ARL15: variants seen among roughly 807,000 people sequenced by gnomAD.
ARL15 encodes the protein ARF like GTPase 15.
A neutral mutation model predicts 25.2 loss-of-function variants in ARL15; 19 were observed. That is an observed-to-expected ratio of 0.75 (90% CI 0.53 to 1.10). ARL15 has a LOEUF of 1.10. ARL15 is among the 50% of genes least tolerant of loss of function. ARL15 has a pLI of 0.00. For synonymous variants in ARL15, 94 were observed against 86.8 expected (o/e 1.08, Z -0.46); for missense variants, 220 against 246.0 (o/e 0.89, Z 0.71).
Position 53,968,319 on chromosome 5 carries a change from T to G in ARL15, c.463-81606A>C, listed in dbSNP as rs1296372616. On this transcript the variant is annotated intron_variant, in intron 4 of 4. Coordinates refer to ENST00000504924, the MANE Select transcript of ARL15 (RefSeq NM_019087.3). ...CTTAATTTTTCTTCTATTTTATAATTATCTAAGACCTAACATAAAAGCACA... is the reference window on the plus strand; with the variant it reads ...CTTAATTTTTCTTCTATTTTATAATGATCTAAGACCTAACATAAAAGCACA... Among the ~76,000 whole-genome samples the G allele has an allele frequency of 3.3e-5, 5 of 152,318 alleles. No homozygotes were observed. The East Asian group carries it at 9.6e-4, about 29-fold the overall frequency.
rs150188210 is a variant in ARL15 at position 53,956,323 on chromosome 5, G to A, written c.463-69610C>T. ...CAGCAAACAACAACAACAAAACCCT[G>A]AAGAAAAGAAAGACTGATTTCCAGG... is the stretch of plus-strand genomic sequence containing the variant. On this transcript the variant is annotated intron_variant, in intron 4 of 4. Transcript: ENST00000504924. Among the ~76,000 whole-genome samples, 1,191 of 151,546 alleles carry A rather than the reference G, an allele frequency of 7.9e-3. 10 individuals are homozygous for A. The highest frequency in any genetic ancestry group is 0.01 in the Non-Finnish European group (678 of 67,794).
At chr5:54,112,450 G>A (rs1228863102) in intron 4 of ARL15, among the ~76,000 whole-genome samples, 1 of 152,152 alleles carries the variant, frequency 6.6e-6, no homozygotes, top group Non-Finnish European at 1.5e-5. Flanking sequence ...TTCTGAAGGA[G>A]AGGGGAAATC....
At chr5:53,940,172 A>G (rs1479966519) in intron 4 of ARL15, among the ~76,000 whole-genome samples, 3 of 151,924 alleles carry the variant, frequency 2.0e-5, no homozygotes, top group Non-Finnish European at 2.9e-5. Flanking sequence ...ACGGGGTTTC[A>G]CCGTGTTAGC....
chr5:53,984,174 C>T (rs1472373285), intron 4 of ARL15, among the ~76,000 whole-genome samples: 2 of 152,218 alleles, frequency 1.3e-5, no homozygotes, highest in Non-Finnish European at 2.9e-5. Flanking sequence ...ATCATGGACT[C>T]ATTCTCAAAG....
In ARL15 at chr5:54,217,153, A is replaced by G. The variant is rs972310127; in HGVS notation, c.49-45225T>C. Among the ~76,000 whole-genome samples the G allele has an allele frequency of 7.2e-5, 11 of 152,144 alleles. No individual in the cohort carries two copies. In the East Asian group the frequency reaches 1.4e-3, roughly 19 times the overall value. On this transcript the variant is annotated intron_variant, in intron 1 of 4. Transcript: ENST00000504924. ...TCCTCCCAAAGTATTTTGTAAAACA[A>G]AATATATTTATCTTTTCCAATGGAA...
intron 4 of ARL15, among the ~76,000 whole-genome samples, chr5:53,932,170 G>C (rs1484286379): frequency 2.6e-5 from 4 of 152,176 alleles, no homozygotes; most frequent in African/African-American, 7.2e-5. Context: ...AAAAATCATA[G>C]GCATGAGTGT....
At chr5:54,259,321 T>A (rs150184856) in intron 1 of ARL15, among the ~76,000 whole-genome samples, 1 of 152,306 alleles carries the variant, frequency 6.6e-6, no homozygotes, top group African/African-American at 2.4e-5. Flanking sequence ...GTCAAACAGT[T>A]CTGTCATCCA....
intron 4 of ARL15, among the ~76,000 whole-genome samples, chr5:53,916,751 C>G (rs1290113445): frequency 1.3e-5 from 2 of 152,088 alleles, no homozygotes; most frequent in Non-Finnish European, 2.9e-5. Flanking sequence ...AACATAATTT[C>G]CCCTAAAGGC....
Position 54,215,033 on chromosome 5 carries a change from A to G in ARL15, c.49-43105T>C, listed in dbSNP as rs577320182. ...CACATACGTGTTTTTCTTTCCAACAAGGGCAAATGGGAGACACCAGCCAGA... is the reference window on the plus strand; with the variant it reads ...CACATACGTGTTTTTCTTTCCAACAGGGGCAAATGGGAGACACCAGCCAGA... On this transcript the variant is annotated intron_variant, in intron 1 of 4. Coordinates refer to ENST00000504924, the MANE Select transcript of ARL15 (RefSeq NM_019087.3). Among the ~76,000 whole-genome samples the G allele has an allele frequency of 2.3e-3, 357 of 152,074 alleles. 1 individual carries two copies. Among genetic ancestry groups the G allele is most frequent in the African/African-American group, 8.2e-3 (340 of 41,494 alleles).
intron 4 of ARL15, among the ~76,000 whole-genome samples, chr5:53,933,642 C>CAAA (rs34912827): frequency 0.013 from 965 of 75,478 alleles, 48 homozygotes; most frequent in East Asian, 0.064. Flanking sequence ...GAGACTGTCT[C>CAAA]AAAAAAAAAA....
In ARL15 at chr5:54,257,286, T is replaced by C. The variant is rs79300733; in HGVS notation, c.48+53146A>G. Among the ~76,000 whole-genome samples the C allele has an allele frequency of 6.3e-3, 953 of 152,134 alleles. 7 individuals carry two copies. Among genetic ancestry groups the C allele is most frequent in the African/African-American group, 0.022 (912 of 41,474 alleles). On this transcript the variant is annotated intron_variant, in intron 1 of 4. Coordinates refer to ENST00000504924, the MANE Select transcript of ARL15 (RefSeq NM_019087.3). Reference sequence around the variant, plus strand: ...AGACCTCAACCCATTTTACAATAACTACAAAAAATAAAATACCTAGAAATA... The same window carrying C: ...AGACCTCAACCCATTTTACAATAACCACAAAAAATAAAATACCTAGAAATA...
intron 4 of ARL15, among the ~76,000 whole-genome samples, chr5:54,106,952 C>T (rs1375548604): frequency 6.6e-6 from 1 of 152,154 alleles, no homozygotes; most frequent in Non-Finnish European, 1.5e-5. Context: ...TGATGTAATA[C>T]ATCATCTTGA....
At chr5:53,908,084 C>G (rs934057024) in intron 4 of ARL15, among the ~76,000 whole-genome samples, 5 of 152,242 alleles carry the variant, frequency 3.3e-5, no homozygotes, top group Admixed American at 3.3e-4. Flanking sequence ...GTTTCATTTT[C>G]CTTGCTACCA....
intron 1 of ARL15, among the ~76,000 whole-genome samples, chr5:54,304,075 G>A (rs1758688423): frequency 6.6e-6 from 1 of 152,200 alleles, no homozygotes; most frequent in South Asian, 2.1e-4. Context: ...CTTTAACATA[G>A]TAGTGGTCAA....
At chr5:54,269,184 C>T (rs1341156808) in intron 1 of ARL15, among the ~76,000 whole-genome samples, 1 of 151,866 alleles carries the variant, frequency 6.6e-6, no homozygotes, top group Non-Finnish European at 1.5e-5. Flanking sequence ...AAATAACCTG[C>T]ACATTGTGCA....
chr5:53,888,368 C>A lies in ARL15; in HGVS notation c.463-1655G>T, dbSNP rs886696294. ...GGAACACAGCTCACTGCAGCCTTGA[C>A]GTCCCAGGCTTGGGCGATCCTCCCA... On this transcript the variant is annotated intron_variant, in intron 4 of 4. Transcript: ENST00000504924. Among the ~76,000 whole-genome samples, 5 of 152,100 alleles carry A rather than the reference C, an allele frequency of 3.3e-5. No homozygotes were observed. In the South Asian group the frequency reaches 8.3e-4, roughly 25 times the overall value.
chr5:54,034,144 T>C (rs1750096178), intron 4 of ARL15, among the ~76,000 whole-genome samples: 1 of 152,154 alleles, frequency 6.6e-6, no homozygotes, highest in South Asian at 2.1e-4. Flanking sequence ...TTGTCATTAT[T>C]CCCCCAGAAT....
chr5:53,909,147 G>A (rs575410060), intron 4 of ARL15, among the ~76,000 whole-genome samples: 34 of 152,032 alleles, frequency 2.2e-4, no homozygotes, highest in African/African-American at 7.5e-4. Flanking sequence ...CTGCTTGCCA[G>A]CAAAAATAAA....
chr5:54,165,867 CAGTTCA>C (rs905041472), intron 2 of ARL15, among the ~76,000 whole-genome samples: 4 of 151,928 alleles, frequency 2.6e-5, no homozygotes, highest in Non-Finnish European at 5.9e-5. Flanking sequence ...AATCAATACG[CAGTTCA>C]AGTCCAAAGG....
Sources: gnomAD v4.1 joint callset for allele counts (sites outside exome capture counted in the v4.1 genomes callset) on GRCh38, gnomAD v4.1.1 for gene constraint, MANE v1.5 for transcripts, NCBI Gene and HGNC (gene_info 2026-07-23, HGNC 2026-07-21) for gene names.